Variants in MYO7A observed in about 807,000 individuals in gnomAD.
MYO7A encodes the protein myosin VIIA.
Under a neutral mutation model 263.8 loss-of-function variants are expected in MYO7A, and 210 were observed. The observed-to-expected ratio is 0.80, with a 90% confidence interval of 0.71 to 0.89. The LOEUF (loss-of-function observed/expected upper bound fraction) is 0.89, where lower values mean the gene tolerates loss of function less well. Ranked by LOEUF, MYO7A falls within the 40% of genes least tolerant of loss-of-function variation. The probability of loss-of-function intolerance (pLI) is 0.00; values close to 1 mark genes in which losing one functional copy is unlikely to be tolerated. For missense variants in MYO7A, 2,820 were observed against 2,968.3 expected (o/e 0.95, Z 1.16); for synonymous variants, 1,239 against 1,197.3 (o/e 1.03, Z -0.72).
intron 15 of MYO7A, among the ~76,000 whole-genome samples, chr11:77,172,319 T>C (rs1004789229): frequency 2.4e-4 from 36 of 152,208 alleles, no homozygotes; most frequent in African/African-American, 7.2e-4. Context: ...GGCTTGAATC[T>C]AGGTTCGTCT....
chr11:77,152,593 A>T (rs1555057757), intron 4 of MYO7A, among the ~76,000 whole-genome samples: 1 of 151,836 alleles, frequency 6.6e-6, no homozygotes, highest in Non-Finnish European at 1.5e-5. Context: ...CTGAAGAAAG[A>T]TGTCCAGGGG....
chr11:77,135,751 T>C (rs1950886582), intron 2 of MYO7A, among the ~76,000 whole-genome samples: 1 of 152,134 alleles, frequency 6.6e-6, no homozygotes, highest in Non-Finnish European at 1.5e-5. Flanking sequence ...TTTTGTTTTG[T>C]TTTGTTTTGT....
chr11:77,179,726 T>C lies in MYO7A; in HGVS notation c.2368-9T>C, dbSNP rs1555082534. On this transcript the variant is annotated splice_polypyrimidine_tract_variant and intron_variant, in intron 20 of 48. Transcript: ENST00000409709. ...GCAGGCTCTGAGCATGGGGTGGCTG[T>C]CCTTGCAGATGCGTCTGGGCTTCCT... The C allele has an allele frequency of 6.6e-7, 1 of 1,526,510 alleles. No homozygotes were observed. The highest frequency in any genetic ancestry group is 1.2e-5 in the South Asian group (1 of 82,940). 94.6% of individuals were successfully genotyped at this position (1,526,510 alleles called of 1,614,324 possible).
intron 2 of MYO7A, among the ~76,000 whole-genome samples, chr11:77,139,735 T>C (rs1555049535): frequency 6.6e-6 from 1 of 152,214 alleles, no homozygotes; most frequent in Non-Finnish European, 1.5e-5. Flanking sequence ...ACCCTGATTT[T>C]GGTCCTGGCT....
At chr11:77,145,816 A>G (rs2135678574) in intron 3 of MYO7A, among the ~76,000 whole-genome samples, 1 of 152,108 alleles carries the variant, frequency 6.6e-6, no homozygotes, top group Middle Eastern at 3.4e-3. Context: ...GCAGCCCCTA[A>G]TCCCCCTGAG....
chr11:77,163,983 G>A lies in MYO7A; in HGVS notation c.1690+995G>A, dbSNP rs144514134. On this transcript the variant is annotated intron_variant, in intron 14 of 48. Transcript: ENST00000409709. ...GGAAACTGAGGCTCAGAACAAGGTG[G>A]GGGGGGCTTGACTGTCCTTACCTGA... 1.8e-4 allele frequency among the ~76,000 whole-genome samples: 28 copies of A among 152,146 alleles called. No individual in the cohort carries two copies. The East Asian group carries it at 5.4e-3, about 29-fold the overall frequency.
intron 20 of MYO7A, 49 bp from the exon 21 acceptor site, chr11:77,179,686 G>C: frequency 1.4e-6 from 2 of 1,476,048 alleles, no homozygotes; most frequent in Non-Finnish European, 1.8e-6. Flanking sequence ...GGCAGGGTCA[G>C]TCTGGAATGG....
At chr11:77,178,754 T>C (rs1954899108) in intron 19 of MYO7A, among the ~76,000 whole-genome samples, 1 of 152,246 alleles carries the variant, frequency 6.6e-6, no homozygotes. Flanking sequence ...CTTTTGATCT[T>C]TATATTATTT....
intron 14 of MYO7A, 44 bp downstream of exon 14, chr11:77,163,032 C>T (rs1953160776): frequency 6.2e-7 from 1 of 1,603,128 alleles, no homozygotes; most frequent in Non-Finnish European, 8.5e-7. Flanking sequence ...GCCCGTGGCC[C>T]TGCCTTCCCC....
chr11:77,179,467 G>A (rs1555082363), intron 20 of MYO7A, among the ~76,000 whole-genome samples: 1 of 152,264 alleles, frequency 6.6e-6, no homozygotes, highest in East Asian at 1.9e-4. Flanking sequence ...GGGGCTGGAT[G>A]GGAAGCAGAC....
At chr11:77,194,286 TTGG>T (rs1565447470) in intron 31 of MYO7A, 65 bp from the exon 32 acceptor site, 1 of 1,545,854 alleles carries the variant, frequency 6.5e-7, no homozygotes, top group Non-Finnish European at 8.8e-7. Flanking sequence ...CCTGGAGCCT[TTGG>T]TGGTGTGGAA....
chr11:77,185,984 G>A lies in MYO7A; in HGVS notation c.3503+1269G>A, dbSNP rs184898496. Among the ~76,000 whole-genome samples the A allele has an allele frequency of 3.2e-3, 478 of 149,982 alleles. 3 individuals are homozygous for A. The highest frequency in any genetic ancestry group is 9.7e-3 in the African/African-American group (397 of 40,730). ...GTTGCCCAGGCTGGAGTGCAGTGGC[G>A]CCATCTCAGCTCACTGCAACCTCTG... is the stretch of plus-strand genomic sequence containing the variant. On this transcript the variant is annotated intron_variant, in intron 27 of 48. Transcript: ENST00000409709.
At chr11:77,184,506 C>A in intron 26 of MYO7A, 82 bp from the exon 27 acceptor site, 2 of 1,230,864 alleles carry the variant, frequency 1.6e-6, no homozygotes, top group Non-Finnish European at 2.3e-6. Context: ...TTCTGGGGAG[C>A]AGGCAGCCTC....
chr11:77,192,962 G>T (rs1397649195), intron 31 of MYO7A, among the ~76,000 whole-genome samples: 1 of 18,212 alleles, frequency 5.5e-5, no homozygotes, highest in Admixed American at 6.4e-4. Context: ...GATGGTGTTG[G>T]TGATGGTGGA....
chr11:77,137,557 T>C (rs1412921167), intron 2 of MYO7A, among the ~76,000 whole-genome samples: 1 of 152,114 alleles, frequency 6.6e-6, no homozygotes, highest in East Asian at 1.9e-4. Context: ...GCCTGGGCCT[T>C]CCGGACCCTC....
intron 31 of MYO7A, 55 bp downstream of exon 31, chr11:77,192,333 C>G (rs1956155608): frequency 3.2e-6 from 5 of 1,559,522 alleles, no homozygotes; most frequent in Non-Finnish European, 4.4e-6. Context: ...CTCCTGCTTT[C>G]CACGTTTGGG....
At chr11:77,200,763 C>G (rs1314053981) in intron 35 of MYO7A, among the ~76,000 whole-genome samples, 1 of 152,216 alleles carries the variant, frequency 6.6e-6, no homozygotes, top group African/African-American at 2.4e-5. Flanking sequence ...CTCTTCAATA[C>G]TCATCTCCTG....
In MYO7A at chr11:77,192,441, A is replaced by G. The variant is rs116254693; in HGVS notation, c.4152+163A>G. On this transcript the variant is annotated intron_variant, in intron 31 of 48. Coordinates refer to ENST00000409709, the MANE Select transcript of MYO7A (RefSeq NM_000260.4). ...CTCCTGGATGGACACCGCCTACTTC[A>G]GGGGGCTCGTGAGGAGAGGCGAGAT... 7.0e-3 allele frequency among the ~76,000 whole-genome samples: 1,065 copies of G among 152,262 alleles called. 7 individuals are homozygous for G. Among genetic ancestry groups the G allele is most frequent in the African/African-American group, 0.024 (1,014 of 41,554 alleles).
intron 32 of MYO7A, 84 bp from the exon 33 acceptor site, chr11:77,197,397 T>C (rs1956743186): frequency 3.6e-6 from 4 of 1,104,534 alleles, no homozygotes; most frequent in Non-Finnish European, 5.2e-6. Flanking sequence ...AGGCTGCTCC[T>C]GGCTAGAAGG....
Sources: gnomAD v4.1 joint callset for allele counts (sites outside exome capture counted in the v4.1 genomes callset) on GRCh38, gnomAD v4.1.1 for gene constraint, MANE v1.5 for transcripts, NCBI Gene and HGNC (gene_info 2026-07-23, HGNC 2026-07-21) for gene names.